Variants in SYTL2 observed in about 807,000 individuals in gnomAD.
SYTL2 encodes synaptotagmin-like protein 2.
SYTL2 carries 165 observed loss-of-function variants against 198.7 expected under a neutral mutation model. That is an observed-to-expected ratio of 0.83 (90% CI 0.73 to 0.94). The LOEUF (loss-of-function observed/expected upper bound fraction) is 0.94. SYTL2 is among the 40% of genes least tolerant of loss of function. The pLI is 0.00. For synonymous variants in SYTL2, 966 were observed against 917.7 expected (o/e 1.05, Z -0.95); for missense variants, 2,835 against 2,582.8 (o/e 1.10, Z -2.12).
At chr11:85,804,412 C>T (rs978996122) in intron 1 of SYTL2, among the ~76,000 whole-genome samples, 1 of 152,166 alleles carries the variant, frequency 6.6e-6, no homozygotes, top group Non-Finnish European at 1.5e-5. Flanking sequence ...AAGGCATGGG[C>T]TCTGGAGTCA....
chr11:85,695,166 T>C lies in SYTL2; in HGVS notation c.*29A>G, dbSNP rs201599431. On this transcript the variant is annotated 3_prime_UTR_variant, in exon 20 of 20. Coordinates refer to ENST00000359152, the MANE Select transcript of SYTL2 (RefSeq NM_206927.4). ...ATCAGATTCCACCGGTTTAGTAGTT[T>C]TCAGTGGAGGAGCCAGTGGAATTTG... is the stretch of plus-strand genomic sequence containing the variant. 2.5e-6 allele frequency: 4 copies of C among 1,598,934 alleles called. No individual in the cohort carries two copies. In the African/African-American group the frequency reaches 4.0e-5, roughly 16 times the overall value.
In SYTL2 at chr11:85,734,420, AG is replaced by A; in HGVS notation, c.908del (p.Pro303LeufsTer3). 1.2e-6 allele frequency: 2 copies of A among 1,614,206 alleles called. No homozygotes were observed. Among genetic ancestry groups the A allele is most frequent in the Non-Finnish European group, 1.7e-6 (2 of 1,180,024 alleles). ...NFEPKSKIVS[P>X]GLTIHERISE... ...AAATTCTCTCATGGATGGTTAGGCCAGGTGACACAATTTTGCTTTTGGGTTC... is the reference window on the plus strand; with the variant it reads ...AAATTCTCTCATGGATGGTTAGGCCAGTGACACAATTTTGCTTTTGGGTTC... On this transcript the variant is annotated frameshift_variant, in exon 7 of 20. Transcript: ENST00000359152. LOFTEE classifies it high-confidence loss of function.
At chr11:85,823,094 T>C in the SYTL2 span, among the ~76,000 whole-genome samples, 1 of 152,248 alleles carries the variant, frequency 6.6e-6, no homozygotes, top group African/African-American at 2.4e-5. Flanking sequence ...GCCACCCTCC[T>C]TCATTTATTC....
chr11:85,774,832 A>G (rs940312978), intron 1 of SYTL2, among the ~76,000 whole-genome samples: 1 of 152,198 alleles, frequency 6.6e-6, no homozygotes, highest in Non-Finnish European at 1.5e-5. Context: ...GTACTTCATT[A>G]ATTAGGGTCA....
intron 4 of SYTL2, among the ~76,000 whole-genome samples, chr11:85,739,347 C>T (rs564043103): frequency 1.4e-5 from 2 of 145,496 alleles, no homozygotes; most frequent in South Asian, 2.2e-4. Flanking sequence ...TTCCGCTATT[C>T]GGAAAGAAAA....
chr11:85,767,106 A>G lies in SYTL2; in HGVS notation c.-389-8992T>C, dbSNP rs570865425. 4.0e-4 allele frequency among the ~76,000 whole-genome samples: 61 copies of G among 152,346 alleles called. No individual in the cohort carries two copies. In the South Asian group the frequency reaches 0.012, roughly 29 times the overall value. ...AGCAAAGTTAAACACGCATATTTGTATATCAATTGTTTTCAGCTGTTACAA... is the reference window on the plus strand; with the variant it reads ...AGCAAAGTTAAACACGCATATTTGTGTATCAATTGTTTTCAGCTGTTACAA... On this transcript the variant is annotated intron_variant, in intron 1 of 19. Transcript: ENST00000359152.
the SYTL2 span, among the ~76,000 whole-genome samples, chr11:85,841,430 C>G: frequency 6.6e-6 from 1 of 152,328 alleles, no homozygotes; most frequent in South Asian, 2.1e-4. Context: ...AAATTACCAT[C>G]AATGGTAGAC....
At chr11:85,842,765 C>G in the SYTL2 span, among the ~76,000 whole-genome samples, 1 of 152,072 alleles carries the variant, frequency 6.6e-6, no homozygotes, top group South Asian at 2.1e-4. Context: ...TGGTCTTAAA[C>G]AAGGGAATGG....
chr11:85,765,669 C>T (rs1358633941), intron 1 of SYTL2, among the ~76,000 whole-genome samples: 1 of 152,182 alleles, frequency 6.6e-6, no homozygotes, highest in Non-Finnish European at 1.5e-5. Context: ...CAGGTCCAGG[C>T]TGAGTAGCAG....
In SYTL2 at chr11:85,726,904, G is replaced by C; in HGVS notation, c.2454C>G (p.Ser818Arg). 1 of 1,536,564 alleles carries C rather than the reference G, an allele frequency of 6.5e-7. No individual in the cohort carries two copies. Among genetic ancestry groups the C allele is most frequent in the Non-Finnish European group, 8.7e-7 (1 of 1,146,952 alleles). ...ITHEKPTSSC[S>R]QEQPSAKAYQ... ...ATGCTTTAGCAGAAGGTTGTTCCTG[G>C]CTACATGAAGATGTGGGTTTTTCAT... The change falls in exon 8 of 20, where the codon AGC (serine) becomes AGG (arginine). Residue 818 changes from serine (S) to arginine (R), a missense_variant. Physicochemically the swap from Ser to Arg is moderately radical, Grantham distance 110 (BLOSUM62 -1). Transcript: ENST00000359152.
chr11:85,751,290 C>T (rs894914323), intron 2 of SYTL2, among the ~76,000 whole-genome samples: 8 of 152,112 alleles, frequency 5.3e-5, no homozygotes, highest in East Asian at 1.9e-4. Flanking sequence ...ATATGTATAA[C>T]ATCAAAGTTT....
intron 2 of SYTL2, among the ~76,000 whole-genome samples, chr11:85,752,916 T>TCA (rs1565984055): frequency 1.2e-4 from 4 of 33,870 alleles, no homozygotes; most frequent in Non-Finnish European, 2.0e-4. Flanking sequence ...ACTGCCTTCA[T>TCA]TAAAAAAAAA....
In SYTL2 at chr11:85,757,717, G is replaced by T. The variant is rs773445153; in HGVS notation, c.9C>A (p.Asp3Glu). 2 of 1,612,656 alleles carry T rather than the reference G, an allele frequency of 1.2e-6. No homozygotes were observed. Among genetic ancestry groups the T allele is most frequent in the Non-Finnish European group, 1.7e-6 (2 of 1,179,896 alleles). The change falls in exon 2 of 20, where the codon GAC (aspartate) becomes GAA (glutamate). Residue 3 changes from aspartate to glutamate, a missense_variant. Coordinates refer to ENST00000359152, the MANE Select transcript of SYTL2 (RefSeq NM_206927.4). MI[D>E]LSFLTEEEQE... ...GTTCCTCTTCAGTCAGGAAGCTTAAGTCAATCATTTTGAAAAGTGCATGCA... is the reference window on the plus strand; with the variant it reads ...GTTCCTCTTCAGTCAGGAAGCTTAATTCAATCATTTTGAAAAGTGCATGCA...
the SYTL2 span, chr11:85,853,796 A>T: frequency 2.0e-5 from 3 of 152,086 alleles, no homozygotes; most frequent in Non-Finnish European, 4.4e-5. Context: ...TCAGGAAAAT[A>T]AAAAAATCTC....
chr11:85,811,898 C>T (rs920117199), upstream of SYTL2, among the ~76,000 whole-genome samples: 4 of 152,030 alleles, frequency 2.6e-5, no homozygotes, highest in Non-Finnish European at 5.9e-5. Context: ...GTCAGGAGTT[C>T]GGGACCAGCC....
chr11:85,799,598 T>C (rs1021960025), intron 1 of SYTL2, among the ~76,000 whole-genome samples: 1 of 152,242 alleles, frequency 6.6e-6, no homozygotes, highest in Non-Finnish European at 1.5e-5. Flanking sequence ...CCTCAGCTCC[T>C]GCCAGCCTTA....
In SYTL2 at chr11:85,725,430, C is replaced by T. The variant is rs2089004767; in HGVS notation, c.3928G>A (p.Asp1310Asn). The change falls in exon 8 of 20, where the codon GAT (aspartate) becomes AAT (asparagine). Residue 1310 changes from aspartate to asparagine, a missense_variant. Around this residue, in one of 3 missense-constraint regions of SYTL2, gnomAD observed 2,645 missense variants for 2,381.7 expected, o/e 1.11. Transcript: ENST00000359152. ...QMAAEDSHPL[D>N]PTSQLSRKGS... ...TTTCTGGAAAGCTGGGAAGTTGGAT[C>T]CAATGGATGAGAATCTTCTGCAGCC... is the stretch of plus-strand genomic sequence containing the variant. 3 of 1,613,964 alleles carry T rather than the reference C, an allele frequency of 1.9e-6. No homozygotes were observed. In the African/African-American group the frequency reaches 4.0e-5, roughly 22 times the overall value.
chr11:85,797,272 T>G (rs1303495838), intron 1 of SYTL2, among the ~76,000 whole-genome samples: 6 of 152,202 alleles, frequency 3.9e-5, no homozygotes, highest in Non-Finnish European at 8.8e-5. Flanking sequence ...CATTAAATGA[T>G]ATTGTATGTG....
At chr11:85,821,521 C>T in the SYTL2 span, among the ~76,000 whole-genome samples, 1 of 152,024 alleles carries the variant, frequency 6.6e-6, no homozygotes, top group Admixed American at 6.5e-5. Context: ...TGTTAGGAAG[C>T]AAAGGGAGCA....
Sources: allele counts gnomAD v4.1 joint callset (sites outside exome capture counted in the v4.1 genomes callset), GRCh38; gene constraint gnomAD v4.1.1; regional missense constraint gnomAD v4.1.1; transcripts MANE v1.5; gene names NCBI Gene and HGNC (gene_info 2026-07-23, HGNC 2026-07-21).